The following ROBO2 variants were observed in gnomAD, a reference collection of about 807,000 sequenced individuals.
The protein encoded by ROBO2 is roundabout homolog 2.
Under a neutral mutation model 160.8 loss-of-function variants are expected in ROBO2, and 53 were observed. The observed-to-expected ratio is 0.33, with a 90% CI of 0.26 to 0.41. The LOEUF is 0.41. Among genes scored for constraint, ROBO2 ranks in the 10% least tolerant of loss-of-function variants. The pLI is 1.00. For missense variants in ROBO2, 1,577 were observed against 1,722.4 expected, an observed-to-expected ratio of 0.92 and a Z score of 1.49; for synonymous variants, 664 against 611.7, an observed-to-expected ratio of 1.09 and a Z score of -1.26.
rs1162635917 is a variant in ROBO2, at chr3:77,097,240, C to T, written c.62-774C>T. Among the ~76,000 whole-genome samples, 5 of 152,144 alleles carry T rather than the reference C, an allele frequency of 3.3e-5. No individual in the cohort carries two copies. The East Asian group carries it at 7.7e-4, about 23-fold the overall frequency. On this transcript the variant is annotated intron_variant, in intron 1 of 25. Coordinates refer to ENST00000461745, the Ensembl canonical transcript of ROBO2. ...TCCTTTTGCTGATGGTATCTCTTGG[C>T]ATGATGCTTTTTTCTTTTAGTTGTC...
At chr3:77,028,613 G>A (rs1286504026) in intron 2 of ROBO2, among the ~76,000 whole-genome samples, 1 of 152,056 alleles carries the variant, frequency 6.6e-6, no homozygotes, top group Non-Finnish European at 1.5e-5. Context: ...CCAGCTTCTC[G>A]GGAGGCTGGG....
At chr3:77,049,779 A>C (rs984743782) in intron 1 of ROBO2, among the ~76,000 whole-genome samples, 6 of 152,212 alleles carry the variant, frequency 3.9e-5, no homozygotes, top group African/African-American at 1.4e-4. Flanking sequence ...AGAACATGGA[A>C]TATAACTCAA....
At chr3:76,977,241 C>T (rs907242180) in intron 2 of ROBO2, among the ~76,000 whole-genome samples, 6 of 152,088 alleles carry the variant, frequency 3.9e-5, no homozygotes, top group Non-Finnish European at 7.4e-5. Context: ...ATGTTCACTG[C>T]CCATTATGAA....
intron 2 of ROBO2, chr3:77,316,909 C>T: frequency 8.4e-7 from 1 of 1,184,126 alleles, no homozygotes; most frequent in South Asian, 1.2e-5. Context: ...AGTGGAGAAG[C>T]AGGCATGAGG....
At chr3:76,348,661 C>G (rs763788352) in intron 2 of ROBO2, among the ~76,000 whole-genome samples, 2 of 152,114 alleles carry the variant, frequency 1.3e-5, no homozygotes. Context: ...CATCCCACAT[C>G]GAGGTACAAC....
chr3:76,742,672 T>G (rs1378476657), intron 2 of ROBO2, among the ~76,000 whole-genome samples: 2 of 152,066 alleles, frequency 1.3e-5, no homozygotes, highest in African/African-American at 4.8e-5. Context: ...CACATTAGTG[T>G]TATCTTGGTT....
intron 5 of ROBO2, among the ~76,000 whole-genome samples, chr3:77,515,991 T>C (rs189674493): frequency 4.4e-4 from 66 of 151,636 alleles, no homozygotes; most frequent in African/African-American, 1.5e-3. Context: ...AATAAAAGAG[T>C]ATTTTTATCT....
intron 2 of ROBO2, among the ~76,000 whole-genome samples, chr3:76,076,119 T>C (rs1296623647): frequency 1.3e-5 from 2 of 152,222 alleles, no homozygotes; most frequent in Non-Finnish European, 2.9e-5. Flanking sequence ...TGTACTCACA[T>C]TGAAATGTTT....
At chr3:76,356,094 A>G (rs955986218) in intron 2 of ROBO2, among the ~76,000 whole-genome samples, 1 of 151,794 alleles carries the variant, frequency 6.6e-6, no homozygotes, top group South Asian at 2.1e-4. Flanking sequence ...AGAAATATTT[A>G]CTTTTCAATT....
At position 77,181,559 on chromosome 3, in the gene ROBO2, G is replaced by A. The variant is rs141495898; in HGVS notation, c.388+83219G>A. On this transcript the variant is annotated intron_variant, in intron 2 of 25. Transcript: ENST00000461745. ...TAATAGCTAGTACTGTCTCACACACGCCTAGGATCCCTTAGATGTGTAAAA... is the reference window on the plus strand; with the variant it reads ...TAATAGCTAGTACTGTCTCACACACACCTAGGATCCCTTAGATGTGTAAAA... 1.6e-3 allele frequency among the ~76,000 whole-genome samples: 248 copies of A among 152,104 alleles called. 2 individuals are homozygous for A. Among genetic ancestry groups the A allele is most frequent in the African/African-American group, 5.6e-3 (231 of 41,510 alleles).
At chr3:76,406,339 A>T (rs1279358891) in intron 2 of ROBO2, among the ~76,000 whole-genome samples, 1 of 151,914 alleles carries the variant, frequency 6.6e-6, no homozygotes, top group Non-Finnish European at 1.5e-5. Flanking sequence ...CTCTATGATG[A>T]TAACTAATTT....
intron 2 of ROBO2, among the ~76,000 whole-genome samples, chr3:76,410,122 T>C (rs1240094015): frequency 6.6e-6 from 1 of 152,158 alleles, no homozygotes; most frequent in Non-Finnish European, 1.5e-5. Context: ...TTGTTTCTAC[T>C]AGAAATTTGT....
At chr3:77,311,039 G>A (rs2063503434) in intron 2 of ROBO2, among the ~76,000 whole-genome samples, 1 of 151,872 alleles carries the variant, frequency 6.6e-6, no homozygotes, top group African/African-American at 2.4e-5. Flanking sequence ...TTTGTGGGTA[G>A]GTTTAAATTT....
At chr3:76,226,108 C>T (rs1056427756) in intron 2 of ROBO2, among the ~76,000 whole-genome samples, 12 of 152,062 alleles carry the variant, frequency 7.9e-5, no homozygotes, top group Non-Finnish European at 2.9e-5. Flanking sequence ...CCTGAGATTC[C>T]TTAAAAAATA....
At chr3:77,188,743 T>A (rs2081518330) in intron 2 of ROBO2, among the ~76,000 whole-genome samples, 1 of 151,874 alleles carries the variant, frequency 6.6e-6, no homozygotes, top group Non-Finnish European at 1.5e-5. Flanking sequence ...AATTTAAAAA[T>A]CACTAGTCCT....
chr3:77,011,295 C>G (rs910314509), intron 2 of ROBO2, among the ~76,000 whole-genome samples: 1 of 151,960 alleles, frequency 6.6e-6, no homozygotes, highest in Non-Finnish European at 1.5e-5. Flanking sequence ...TCAGGGTCTC[C>G]CCTATAGTAG....
intron 2 of ROBO2, among the ~76,000 whole-genome samples, chr3:76,294,055 T>C (rs1374636925): frequency 3.3e-5 from 5 of 152,156 alleles, no homozygotes; most frequent in African/African-American, 1.2e-4. Flanking sequence ...GACTGGTGTG[T>C]CAGCACTACC....
At chr3:77,364,538 T>C (rs2070540727) in intron 2 of ROBO2, among the ~76,000 whole-genome samples, 2 of 152,136 alleles carry the variant, frequency 1.3e-5, no homozygotes, top group South Asian at 4.1e-4. Context: ...TATCAGAGGT[T>C]CTCTGGTTAA....
At chr3:76,439,643 C>T (rs905676746) in intron 2 of ROBO2, among the ~76,000 whole-genome samples, 1 of 152,098 alleles carries the variant, frequency 6.6e-6, no homozygotes, top group Non-Finnish European at 1.5e-5. Flanking sequence ...TCAATGAGGG[C>T]AAGTGCCTAG....
Sources: gnomAD v4.1 joint callset for allele counts (sites outside exome capture counted in the v4.1 genomes callset) on GRCh38, gnomAD v4.1.1 for gene constraint, MANE v1.5 for transcripts, NCBI Gene and HGNC (gene_info 2026-07-23, HGNC 2026-07-21) for gene names.